The following TCF7L2 variants were observed in gnomAD, a reference collection of about 807,000 sequenced individuals.
TCF7L2 encodes transcription factor 7-like 2.
TCF7L2 carries 23 observed loss-of-function variants against 77.9 expected under a neutral mutation model. The observed-to-expected ratio is 0.30, with a 90% CI of 0.21 to 0.42. The LOEUF is 0.42. Among genes scored for constraint, TCF7L2 ranks in the 10% least tolerant of loss-of-function variants. TCF7L2 has a pLI of 1.00. For missense variants in TCF7L2, 654 were observed against 793.1 expected, an observed-to-expected ratio of 0.82 and a Z score of 2.11; for synonymous variants, 413 against 340.2, an observed-to-expected ratio of 1.21 and a Z score of -2.36.
intron 5 of TCF7L2, among the ~76,000 whole-genome samples, chr10:113,060,007 C>G (rs973549268): frequency 6.6e-6 from 1 of 152,170 alleles, no homozygotes; most frequent in African/African-American, 2.4e-5. Flanking sequence ...TGTAGATTAT[C>G]CGCCCCCGGT....
At chr10:113,139,966 G>A (rs1321497299) in intron 5 of TCF7L2, among the ~76,000 whole-genome samples, 2 of 152,120 alleles carry the variant, frequency 1.3e-5, no homozygotes, top group African/African-American at 2.4e-5. Context: ...TGCAAGTTGT[G>A]CCTTCCTAAA....
chr10:113,049,592 C>G (rs995661748), intron 5 of TCF7L2, among the ~76,000 whole-genome samples: 1 of 152,064 alleles, frequency 6.6e-6, no homozygotes, highest in African/African-American at 2.4e-5. Context: ...TGCTTCCTAC[C>G]TTTGTAACAG....
intron 4 of TCF7L2, among the ~76,000 whole-genome samples, chr10:112,977,077 C>T (rs1344988019): frequency 6.6e-6 from 1 of 150,868 alleles, no homozygotes; most frequent in African/African-American, 2.4e-5. Context: ...GACTTCAAAA[C>T]AAATTTTAAA....
chr10:112,999,591 T>A (rs2044111243), intron 4 of TCF7L2, among the ~76,000 whole-genome samples: 1 of 152,220 alleles, frequency 6.6e-6, no homozygotes, highest in Non-Finnish European at 1.5e-5. Context: ...TGCTGGTTAG[T>A]TATTCTCATG....
chr10:112,993,513 G>T (rs1388712087), intron 4 of TCF7L2, among the ~76,000 whole-genome samples: 4 of 146,566 alleles, frequency 2.7e-5, no homozygotes, highest in Non-Finnish European at 1.5e-5. Flanking sequence ...CTCAAAAAAA[G>T]AAAAAAAAAA....
At chr10:113,083,720 T>A (rs545949504) in intron 5 of TCF7L2, among the ~76,000 whole-genome samples, 1 of 152,230 alleles carries the variant, frequency 6.6e-6, no homozygotes, top group African/African-American at 2.4e-5. Context: ...ATAAGAAATA[T>A]GAGGATGTTA....
At chr10:113,086,198 C>T (rs1564874733) in intron 5 of TCF7L2, among the ~76,000 whole-genome samples, 1 of 152,170 alleles carries the variant, frequency 6.6e-6, no homozygotes, top group Non-Finnish European at 1.5e-5. Context: ...TCCCTTGATT[C>T]GTGGATGGAC....
intron 4 of TCF7L2, among the ~76,000 whole-genome samples, chr10:112,984,367 C>T (rs558097639): frequency 6.6e-6 from 1 of 152,176 alleles, no homozygotes; most frequent in South Asian, 2.1e-4. Context: ...CCTTAGGCTG[C>T]GGAAGGCCTG....
intron 4 of TCF7L2, among the ~76,000 whole-genome samples, chr10:112,992,671 G>A (rs1334835739): frequency 3.3e-5 from 5 of 152,084 alleles, no homozygotes; most frequent in Admixed American, 2.0e-4. Flanking sequence ...TCCATGCTTT[G>A]GTTCTGGCCC....
Position 113,060,015 on chromosome 10 carries a change from G to C in TCF7L2, c.552+19889G>C, listed in dbSNP as rs554371006. 3.9e-5 allele frequency among the ~76,000 whole-genome samples: 6 copies of C among 152,262 alleles called. No homozygotes were observed. The East Asian group carries it at 1.2e-3, about 29-fold the overall frequency. The stretch of plus-strand genomic sequence containing the variant: ...GCTGGCATGTAGATTATCCGCCCCC[G>C]GTGGATATGACAGTGGGCTTTAGGA... On this transcript the variant is annotated intron_variant, in intron 5 of 13. Coordinates refer to ENST00000627217, the MANE Select transcript of TCF7L2 (RefSeq NM_001146274.2).
intron 4 of TCF7L2, among the ~76,000 whole-genome samples, chr10:113,038,938 G>A (rs894931510): frequency 3.3e-5 from 5 of 152,252 alleles, no homozygotes; most frequent in Admixed American, 2.0e-4. Flanking sequence ...TGCTTGAGGA[G>A]GTCTCCGAAA....
chr10:113,085,025 T>G (rs35198330), intron 5 of TCF7L2, among the ~76,000 whole-genome samples: 4,940 of 152,120 alleles, frequency 0.032, 127 homozygotes, highest in Non-Finnish European at 0.046. Context: ...TTGGTTGAGA[T>G]TCTTCTAACA....
intron 5 of TCF7L2, among the ~76,000 whole-genome samples, chr10:113,047,592 TTTAGA>T (rs755157554): frequency 3.9e-5 from 6 of 152,244 alleles, no homozygotes; most frequent in Non-Finnish European, 7.3e-5. Flanking sequence ...TTAGGACTAT[TTTAGA>T]GGTCTTGAGT....
At chr10:113,015,446 C>CTTTT (rs67005436) in intron 4 of TCF7L2, among the ~76,000 whole-genome samples, 20 of 103,210 alleles carry the variant, frequency 1.9e-4, no homozygotes, top group African/African-American at 5.0e-4. Flanking sequence ...GCCTGATGAG[C>CTTTT]TTTTTTTTTT....
chr10:113,057,926 C>T (rs2055680396), intron 5 of TCF7L2, among the ~76,000 whole-genome samples: 1 of 152,222 alleles, frequency 6.6e-6, no homozygotes, highest in East Asian at 1.9e-4. Flanking sequence ...AGGGACCAGG[C>T]TGGGGGCTGT....
chr10:112,962,858 C>T (rs975704798), intron 3 of TCF7L2, among the ~76,000 whole-genome samples: 2 of 152,182 alleles, frequency 1.3e-5, no homozygotes, highest in African/African-American at 2.4e-5. Flanking sequence ...CTCAGCCCCC[C>T]AAAGTGCTGG....
Position 113,005,827 on chromosome 10 carries a change from G to A in TCF7L2, c.451-34198G>A, listed in dbSNP as rs527526657. 2.6e-5 allele frequency among the ~76,000 whole-genome samples: 4 copies of A among 152,290 alleles called. No homozygotes were observed. In the South Asian group the frequency reaches 8.3e-4, roughly 32 times the overall value. ...TTGAGTGGTTTGGGCCAGGATTTTA[G>A]CTGATGGATCTGGTAGTTCCCTCTG... On this transcript the variant is annotated intron_variant, in intron 4 of 13. Coordinates refer to ENST00000627217, the MANE Select transcript of TCF7L2 (RefSeq NM_001146274.2).
intron 4 of TCF7L2, among the ~76,000 whole-genome samples, chr10:113,026,825 A>T (rs2049262210): frequency 6.6e-6 from 1 of 152,230 alleles, no homozygotes. Context: ...AAAGCCTGGG[A>T]AACTTTCTTG....
At chr10:112,975,435 A>G (rs1313911984) in intron 4 of TCF7L2, among the ~76,000 whole-genome samples, 1 of 152,170 alleles carries the variant, frequency 6.6e-6, no homozygotes, top group Non-Finnish European at 1.5e-5. Context: ...TCTTCGTTGC[A>G]GGGGACCATC....
Sources: allele counts gnomAD v4.1 joint callset (sites outside exome capture counted in the v4.1 genomes callset), GRCh38; gene constraint gnomAD v4.1.1; transcripts MANE v1.5; gene names NCBI Gene and HGNC (gene_info 2026-07-23, HGNC 2026-07-21).